Variants in MOG observed in about 807,000 individuals in gnomAD.
MOG encodes myelin-oligodendrocyte glycoprotein.
A neutral mutation model predicts 35.9 loss-of-function variants in MOG; 20 were observed. The ratio of observed to expected loss-of-function variants is 0.56; its 90% CI spans 0.39 to 0.81. The LOEUF is 0.81. Among genes scored for constraint, MOG ranks in the 30% least tolerant of loss-of-function variants. The pLI is 0.00. For synonymous variants in MOG, 92 were observed against 114.3 expected, an observed-to-expected ratio of 0.80 and a Z score of 1.25; for missense variants, 251 against 301.0, an observed-to-expected ratio of 0.83 and a Z score of 1.23.
chr6:29,659,608 C>T lies in MOG; in HGVS notation c.378C>T (p.Thr126=). The T allele has an allele frequency of 6.2e-7, 1 of 1,613,098 alleles. No individual in the cohort carries two copies. The highest frequency in any genetic ancestry group is 8.5e-7 in the Non-Finnish European group (1 of 1,180,028). ...NVRFSDEGGF[T]CFFRDHSYQE... ...GGTTCTCAGATGAAGGAGGTTTCACCTGCTTCTTCCGAGATCATTCTTACC... is the reference window on the plus strand; with the variant it reads ...GGTTCTCAGATGAAGGAGGTTTCACTTGCTTCTTCCGAGATCATTCTTACC... The change falls in exon 2 of 8, where the codon ACC becomes ACT. Residue 126 remains threonine (T), a synonymous_variant. Coordinates refer to ENST00000376917, the MANE Select transcript of MOG (RefSeq NM_206809.4).
chr6:29,666,067 G>T, intron 2 of MOG, 85 bp from the exon 3 acceptor site: 1 of 858,840 alleles, frequency 1.2e-6, no homozygotes, highest in Non-Finnish European at 2.0e-6. Flanking sequence ...TTCTTTATTT[G>T]ACCTGATTTA....
chr6:29,670,738 CTGTTA>C lies in MOG; in HGVS notation c.730+19_730+23del, dbSNP rs143182082. The stretch of plus-strand genomic sequence containing the variant: ...AAGAGCTACGTAAGTTCTCTTCTCT[CTGTTA>C]TAAGCAGAGAATAAAAAGCCAGGAA... On this transcript the variant is annotated intron_variant, in intron 7 of 7. Transcript: ENST00000376917. The surrounding 1 kb of genome is among the most constrained non-coding windows in gnomAD (Gnocchi z 4.2). 0.022 allele frequency: 34,890 copies of C among 1,611,982 alleles called. 458 individuals carry two copies. The highest frequency in any genetic ancestry group is 0.05 in the Admixed American group (2,972 of 59,862).
chr6:29,665,343 G>A (rs1251336562), intron 2 of MOG, among the ~76,000 whole-genome samples: 14 of 151,922 alleles, frequency 9.2e-5, no homozygotes, highest in Admixed American at 4.6e-4. Context: ...CGATCCGCCC[G>A]CCTCGGCCTC....
Position 29,659,346 on chromosome 6 carries a change from A to T in MOG, c.116A>T (p.His39Leu). 1 of 1,612,610 alleles carries T rather than the reference A, an allele frequency of 6.2e-7. No individual in the cohort carries two copies. The highest frequency in any genetic ancestry group is 8.5e-7 in the Non-Finnish European group (1 of 1,179,884). The change falls in exon 2 of 8, where the codon CAC (histidine) becomes CTC (leucine). Residue 39 changes from histidine (H) to leucine (L), a missense_variant. Transcript: ENST00000376917. ...CAGTTCAGAGTGATAGGACCAAGACACCCTATCCGGGCTCTGGTCGGGGAT... is the reference window on the plus strand; with the variant it reads ...CAGTTCAGAGTGATAGGACCAAGACTCCCTATCCGGGCTCTGGTCGGGGAT... ...AGQFRVIGPRHPIRALVGDEV... is the reference protein window; with the variant it reads ...AGQFRVIGPRLPIRALVGDEV...
intron 2 of MOG, chr6:29,661,287 T>C: frequency 1.4e-6 from 1 of 703,848 alleles, no homozygotes; most frequent in Non-Finnish European, 1.7e-6. Flanking sequence ...GACCAGAAGA[T>C]GGCATTGTAT....
intron 5 of MOG, among the ~76,000 whole-genome samples, chr6:29,669,926 AC>A (rs1771087758): frequency 6.6e-6 from 1 of 151,872 alleles, no homozygotes; most frequent in East Asian, 1.9e-4. Flanking sequence ...ATGTGCCACC[AC>A]GCCCACCTAA....
Position 29,670,466 on chromosome 6 carries a change from C to A in MOG, c.709+69C>A, listed in dbSNP as rs369356005. 1,052 of 1,546,368 alleles carry A rather than the reference C, an allele frequency of 6.8e-4. 12 individuals carry two copies. In the South Asian group the frequency reaches 7.1e-3, roughly 10 times the overall value. On this transcript the variant is annotated intron_variant, in intron 6 of 7. Transcript: ENST00000376917. The surrounding 1 kb of genome is among the most constrained non-coding windows in gnomAD (Gnocchi z 4.2). Reference sequence around the variant, plus strand: ...ACCAAGTCAGCTCTGAATGGGAAGCCAAAAGAGAATAGAACCAGGACTCAA... The same window carrying A: ...ACCAAGTCAGCTCTGAATGGGAAGCAAAAAGAGAATAGAACCAGGACTCAA...
At chr6:29,669,506 G>C (rs1260436367) in intron 5 of MOG, among the ~76,000 whole-genome samples, 1 of 151,376 alleles carries the variant, frequency 6.6e-6, no homozygotes, top group African/African-American at 2.4e-5. Flanking sequence ...GGCCAGGCTG[G>C]TCTTGAACCC....
rs369584993 is a variant in MOG, at chr6:29,669,733, A to T, written c.593-548A>T. 3.9e-5 allele frequency among the ~76,000 whole-genome samples: 6 copies of T among 152,166 alleles called. No individual in the cohort carries two copies. In the East Asian group the frequency reaches 1.2e-3, roughly 29 times the overall value. ...TGCTCATATTGTGGTTAGTTGTAAA[A>T]TGTTTTGGTTTGTTTTGTTTTTTCC... On this transcript the variant is annotated intron_variant, in intron 5 of 7. Transcript: ENST00000376917.
At chr6:29,669,386 G>A (rs1225663593) in intron 5 of MOG, among the ~76,000 whole-genome samples, 1 of 151,874 alleles carries the variant, frequency 6.6e-6, no homozygotes, top group African/African-American at 2.4e-5. Context: ...CACCTCCTGG[G>A]TTCAAGCGAT....
intron 2 of MOG, among the ~76,000 whole-genome samples, chr6:29,663,811 T>C (rs2857783): frequency 0.053 from 8,072 of 152,266 alleles, 433 homozygotes; most frequent in African/African-American, 0.14. Context: ...AACTTGAAAG[T>C]AAAGGTAGCT....
At chr6:29,659,848 T>C in intron 2 of MOG, 182 bp downstream of exon 2, 2 of 638,264 alleles carry the variant, frequency 3.1e-6, no homozygotes, top group South Asian at 1.9e-5. Flanking sequence ...TTATTCAGAG[T>C]AGCAAGGAAA....
chr6:29,670,058 C>A lies in MOG; in HGVS notation c.593-223C>A. The A allele has an allele frequency of 2.5e-6, 2 of 812,602 alleles. No individual in the cohort carries two copies. The highest frequency in any genetic ancestry group is 2.0e-5 in the Admixed American group (1 of 50,136). The allele number at this position is 812,602 out of a possible 1,614,324, so 50.3% of individuals were successfully genotyped here. On this transcript the variant is annotated intron_variant, in intron 5 of 7. Coordinates refer to ENST00000376917, the MANE Select transcript of MOG (RefSeq NM_206809.4). This position sits in a 1 kb window ranked among gnomAD's most constrained non-coding sequence, Gnocchi z 4.2. ...TGTTGGGATTACAGGCATGAGCCAC[C>A]ACACCTGGCAGTTGTTACATTTTTA...
At position 29,664,745 on chromosome 6, in the gene MOG, C is replaced by G. The variant is rs943869414; in HGVS notation, c.437-1407C>G. 5 of 377,498 alleles carry G rather than the reference C, an allele frequency of 1.3e-5. No individual in the cohort carries two copies. In the Admixed American group the frequency reaches 1.8e-4, roughly 14 times the overall value. 23.4% of individuals were successfully genotyped at this position (377,498 alleles called of 1,614,324 possible). A position where few individuals can be genotyped will look rare whatever the true frequency, so the allele number is the denominator to read the frequency against. The stretch of plus-strand genomic sequence containing the variant: ...TCAGCCTCTTGAATAGCTGAGACCA[C>G]AGGCTTGTGTCACCATGCCCAGGTA... On this transcript the variant is annotated intron_variant, in intron 2 of 7. Transcript: ENST00000376917.
intron 2 of MOG, chr6:29,664,904 C>A: frequency 4.2e-6 from 1 of 238,980 alleles, no homozygotes; most frequent in South Asian, 4.2e-5. Context: ...AGCCACCACA[C>A]CTAGCCAGAA....
chr6:29,670,471 G>C lies in MOG; in HGVS notation c.709+74G>C. 1 of 1,541,066 alleles carries C rather than the reference G, an allele frequency of 6.5e-7. No homozygotes were observed. Among genetic ancestry groups the C allele is most frequent in the Non-Finnish European group, 9.0e-7 (1 of 1,115,366 alleles). Reference sequence around the variant, plus strand: ...GTCAGCTCTGAATGGGAAGCCAAAAGAGAATAGAACCAGGACTCAAGATTA... The same window carrying C: ...GTCAGCTCTGAATGGGAAGCCAAAACAGAATAGAACCAGGACTCAAGATTA... On this transcript the variant is annotated intron_variant, in intron 6 of 7. Transcript: ENST00000376917. This position sits in a 1 kb window ranked among gnomAD's most constrained non-coding sequence, Gnocchi z 4.2.
At chr6:29,660,474 G>A (rs573616747) in intron 2 of MOG, among the ~76,000 whole-genome samples, 5 of 146,908 alleles carry the variant, frequency 3.4e-5, no homozygotes, top group South Asian at 2.2e-4. Context: ...AGGTTGCAGT[G>A]AGCCAAAATC....
At chr6:29,659,750 C>A in intron 2 of MOG, 84 bp downstream of exon 2, 1 of 1,091,138 alleles carries the variant, frequency 9.2e-7, no homozygotes, top group Non-Finnish European at 1.4e-6. Flanking sequence ...GATCCCTCAA[C>A]CCAAACATCT....
Position 29,670,123 on chromosome 6 carries a change from G to A in MOG, c.593-158G>A. On this transcript the variant is annotated intron_variant, in intron 5 of 7. Transcript: ENST00000376917. The surrounding 1 kb of genome is among the most constrained non-coding windows in gnomAD (Gnocchi z 4.2). ...TAAATCCAGTTATTGAAAATAAGGA[G>A]GCAGTACTTTTCTCATCCAAGTTCA... is the stretch of plus-strand genomic sequence containing the variant. 8.5e-7 allele frequency: 1 copy of A among 1,177,614 alleles called. No homozygotes were observed. The highest frequency in any genetic ancestry group is 2.0e-4 in the Middle Eastern group (1 of 5,072). The allele number at this position is 1,177,614 out of a possible 1,614,324, so 72.9% of individuals were successfully genotyped here.
Sources: allele counts gnomAD v4.1 joint callset (sites outside exome capture counted in the v4.1 genomes callset), GRCh38; gene constraint gnomAD v4.1.1; non-coding constraint Gnocchi (gnomAD v3.1); transcripts MANE v1.5; gene names NCBI Gene and HGNC (gene_info 2026-07-23, HGNC 2026-07-21).